The following NUP214 variants were observed in gnomAD, a reference collection of about 807,000 sequenced individuals.
NUP214 encodes nuclear pore complex protein Nup214.
A neutral mutation model predicts 196.2 loss-of-function variants in NUP214; 79 were observed. That is an observed-to-expected ratio of 0.40 (90% CI 0.34 to 0.49). The LOEUF is 0.49. NUP214 is among the 20% of genes least tolerant of loss of function. NUP214 has a pLI of 0.58. For synonymous variants in NUP214, 1,020 were observed against 990.5 expected, an observed-to-expected ratio of 1.03 and a Z score of -0.56; for missense variants, 2,468 against 2,539.0, an observed-to-expected ratio of 0.97 and a Z score of 0.60.
chr9:131,218,968 T>A (rs914318169), intron 31 of NUP214, among the ~76,000 whole-genome samples: 5 of 152,110 alleles, frequency 3.3e-5, no homozygotes, highest in African/African-American at 1.2e-4. Flanking sequence ...AAAAGATGAA[T>A]GCAAGGCTGT....
chr9:131,132,806 A>C (rs989555722), intron 6 of NUP214, 147 bp downstream of exon 6: 8 of 715,546 alleles, frequency 1.1e-5, no homozygotes, highest in Admixed American at 2.8e-5. Flanking sequence ...TAATTAAGTC[A>C]GTGTAAATTA....
Position 131,198,782 on chromosome 9 carries a change from C to G in NUP214, c.5288C>G (p.Thr1763Ser). ...VPAFGQPASS[T>S]PTSTSGSVFG... is the part of the protein sequence containing the mutation. ...GCCTTCGGTCAGCCTGCTTCCTCCA[C>G]TCCCACATCCACCAGTGGAAGTGTC... The change falls in exon 29 of 36, where the codon ACT becomes AGT. Residue 1763 changes from threonine to serine, a missense_variant. Around this residue, in one of 5 missense-constraint regions of NUP214, gnomAD observed 1,801 missense variants for 1,779.4 expected, o/e 1.01. Coordinates refer to ENST00000359428, the MANE Select transcript of NUP214 (RefSeq NM_005085.4). 1 of 1,614,254 alleles carries G rather than the reference C, an allele frequency of 6.2e-7. No individual in the cohort carries two copies. The highest frequency in any genetic ancestry group is 8.5e-7 in the Non-Finnish European group (1 of 1,180,040).
At chr9:131,200,060 A>C (rs745501634) in intron 29 of NUP214, among the ~76,000 whole-genome samples, 2 of 152,222 alleles carry the variant, frequency 1.3e-5, no homozygotes, top group Non-Finnish European at 2.9e-5. Context: ...TTAGAGGAGA[A>C]CGTGTAACAC....
rs766263681 is a variant in NUP214, at chr9:131,198,290, C to T, written c.4796C>T (p.Ala1599Val). ...SVPGQTAVTA[A>V]AISSAGPVAV... Reference sequence around the variant, plus strand: ...CCTGGGCAGACTGCTGTCACAGCAGCTGCTATCTCAAGTGCAGGCCCTGTG... The same window carrying T: ...CCTGGGCAGACTGCTGTCACAGCAGTTGCTATCTCAAGTGCAGGCCCTGTG... Residue 1599 changes from alanine (A) to valine (V), a missense_variant, in exon 29 of 36, where the codon GCT becomes GTT. This residue lies in a region of NUP214 where 1,801 missense variants were observed against 1,779.4 expected (regional missense o/e 1.01). Coordinates refer to ENST00000359428, the MANE Select transcript of NUP214 (RefSeq NM_005085.4). 6.2e-7 allele frequency: 1 copy of T among 1,614,254 alleles called. No individual in the cohort carries two copies. The highest frequency in any genetic ancestry group is 8.5e-7 in the Non-Finnish European group (1 of 1,180,054).
chr9:131,163,393 T>G (rs947379672), intron 19 of NUP214: 1 of 525,934 alleles, frequency 1.9e-6, no homozygotes, highest in Non-Finnish European at 3.3e-6. Context: ...AAATTAAGTC[T>G]GTAAAATATT....
chr9:131,203,053 C>A (rs1287371206), intron 30 of NUP214, among the ~76,000 whole-genome samples: 1 of 151,868 alleles, frequency 6.6e-6, no homozygotes, highest in Non-Finnish European at 1.5e-5. Context: ...TCACGCCATT[C>A]TCCTGCCTCA....
chr9:131,184,322 A>C (rs1360512710), intron 24 of NUP214, among the ~76,000 whole-genome samples: 2 of 132,348 alleles, frequency 1.5e-5, no homozygotes, highest in Admixed American at 1.6e-4. Flanking sequence ...GAGACACTGC[A>C]GCCGGCCTCT....
At position 131,150,636 on chromosome 9, in the gene NUP214, G is replaced by A. The variant is rs745849153; in HGVS notation, c.2148G>A (p.Glu716=). The A allele has an allele frequency of 1.2e-6, 2 of 1,613,418 alleles. No individual in the cohort carries two copies. Among genetic ancestry groups the A allele is most frequent in the South Asian group, 2.2e-5 (2 of 90,986 alleles). Reference sequence around the variant, plus strand: ...TACAGATTGCACACTTTCAGAAGGAGTTGGAAGAGTTAAAAGCCCGAACTT... The same window carrying A: ...TACAGATTGCACACTTTCAGAAGGAATTGGAAGAGTTAAAAGCCCGAACTT... ...IGEEIAHFQK[E]LEELKARTSK... The change falls in exon 16 of 36, where the codon GAG becomes GAA. Residue 716 remains glutamate (E), a synonymous_variant. Transcript: ENST00000359428.
chr9:131,155,529 A>G (rs1156371348), intron 17 of NUP214, among the ~76,000 whole-genome samples: 1 of 152,104 alleles, frequency 6.6e-6, no homozygotes, highest in Non-Finnish European at 1.5e-5. Context: ...TCGCTTTTGG[A>G]TTCTTGGTCA....
intron 17 of NUP214, among the ~76,000 whole-genome samples, chr9:131,154,051 C>G (rs1233652874): frequency 6.6e-6 from 1 of 152,148 alleles, no homozygotes; most frequent in Admixed American, 6.5e-5. Context: ...CAGCAGCTAA[C>G]GCAGAGGTGT....
At chr9:131,164,974 A>C (rs987912985) in intron 21 of NUP214, among the ~76,000 whole-genome samples, 1 of 152,248 alleles carries the variant, frequency 6.6e-6, no homozygotes, top group East Asian at 1.9e-4. Context: ...TAACTGAAAG[A>C]AATTTAATCT....
chr9:131,135,981 G>A lies in NUP214; in HGVS notation c.980G>A (p.Ser327Asn). 1.2e-6 allele frequency: 2 copies of A among 1,613,928 alleles called. No individual in the cohort carries two copies. ...GCATCTGCGGCTTCAACAGAAGTTAGTATCCTTGCTCGACAAAGTGATCAG... is the reference window on the plus strand; with the variant it reads ...GCATCTGCGGCTTCAACAGAAGTTAATATCCTTGCTCGACAAAGTGATCAG... ...LAASAASTEV[S>N]ILARQSDQIN... The change falls in exon 9 of 36, where the codon AGT becomes AAT. Residue 327 changes from serine (S) to asparagine (N), a missense_variant. Ser to Asn is a conservative substitution (Grantham distance 46). Around this residue, in one of 5 missense-constraint regions of NUP214, gnomAD observed 392 missense variants for 417.9 expected, o/e 0.94. Coordinates refer to ENST00000359428, the MANE Select transcript of NUP214 (RefSeq NM_005085.4).
chr9:131,178,073 C>G (rs1833165573), intron 23 of NUP214, among the ~76,000 whole-genome samples: 1 of 152,152 alleles, frequency 6.6e-6, no homozygotes, highest in African/African-American at 2.4e-5. Context: ...TTCTTTTCCC[C>G]TACTCTAGTA....
intron 26 of NUP214, 146 bp downstream of exon 26, chr9:131,189,277 CAA>C (rs761308905): frequency 9.2e-6 from 6 of 653,872 alleles, no homozygotes; most frequent in Non-Finnish European, 1.6e-5. Flanking sequence ...TGACCATAGA[CAA>C]GAGATCATAT....
Position 131,144,628 on chromosome 9 carries a change from T to G in NUP214, c.1643T>G (p.Phe548Cys). Reference sequence around the variant, plus strand: ...GCTCCATCAGCTGCTTCATTCTCCTTTGGATCATCTGGTTTTAAGCCTACC... The same window carrying G: ...GCTCCATCAGCTGCTTCATTCTCCTGTGGATCATCTGGTTTTAAGCCTACC... The part of the protein sequence containing the change: ...PVAPSAASFS[F>C]GSSGFKPTLE... The change falls in exon 12 of 36, where the codon TTT becomes TGT. Residue 548 changes from phenylalanine (F) to cysteine (C), a missense_variant. Phe to Cys is a radical substitution (Grantham distance 205, BLOSUM62 -2). Coordinates refer to ENST00000359428, the MANE Select transcript of NUP214 (RefSeq NM_005085.4). 1.2e-6 allele frequency: 2 copies of G among 1,614,196 alleles called. No individual in the cohort carries two copies. Among genetic ancestry groups the G allele is most frequent in the Non-Finnish European group, 1.7e-6 (2 of 1,180,034 alleles).
intron 25 of NUP214, 115 bp downstream of exon 25, chr9:131,187,479 T>A (rs776903464): frequency 5.5e-5 from 39 of 704,114 alleles, no homozygotes; most frequent in Non-Finnish European, 9.0e-5. Flanking sequence ...CTCTGCCTCC[T>A]GGGTTCAAGT....
chr9:131,150,853 C>T (rs2133515243), intron 16 of NUP214, 88 bp downstream of exon 16: 1 of 1,258,512 alleles, frequency 7.9e-7, no homozygotes, highest in Non-Finnish European at 1.1e-6. Context: ...TACTTTATTT[C>T]TTCAAGGACC....
At chr9:131,136,049 AATT>A in intron 9 of NUP214, 43 bp downstream of exon 9, 7 of 1,480,772 alleles carry the variant, frequency 4.7e-6, no homozygotes, top group African/African-American at 1.4e-5. Flanking sequence ...TTCTTTTTTA[AATT>A]ATTATTTTGA....
At chr9:131,174,366 A>G in intron 22 of NUP214, 48 bp downstream of exon 22, 1 of 1,581,028 alleles carries the variant, frequency 6.3e-7, no homozygotes, top group Non-Finnish European at 8.6e-7. Flanking sequence ...TGATGTTTCT[A>G]ACTAATGACG....
Sources: gnomAD v4.1 joint callset for allele counts (sites outside exome capture counted in the v4.1 genomes callset) on GRCh38, gnomAD v4.1.1 for gene constraint, gnomAD v4.1.1 regional missense constraint, MANE v1.5 for transcripts, NCBI Gene and HGNC (gene_info 2026-07-23, HGNC 2026-07-21) for gene names.